The following MED13L variants were observed in gnomAD, a reference collection of about 807,000 sequenced individuals.
MED13L encodes the protein mediator of RNA polymerase II transcription subunit 13-like.
Under a neutral mutation model 220.9 loss-of-function variants are expected in MED13L, and 7 were observed. The ratio of observed to expected loss-of-function variants is 0.03; its 90% CI spans 0.02 to 0.06. The LOEUF is 0.06. MED13L is among the 10% of genes least tolerant of loss of function. MED13L has a pLI of 1.00. For synonymous variants in MED13L, 1,011 were observed against 1,015.2 expected (o/e 1.00, Z 0.08); for missense variants, 1,965 against 2,760.5 (o/e 0.71, Z 6.46).
chr12:116,049,452 A>G (rs947930123), intron 4 of MED13L, among the ~76,000 whole-genome samples: 1 of 152,194 alleles, frequency 6.6e-6, no homozygotes, highest in Non-Finnish European at 1.5e-5. Context: ...CACTTCTTTC[A>G]CCTTTTATAA....
chr12:116,247,284 A>G (rs1306939306), intron 1 of MED13L, among the ~76,000 whole-genome samples: 1 of 152,230 alleles, frequency 6.6e-6, no homozygotes, highest in Non-Finnish European at 1.5e-5. Context: ...ATGGGGTAAT[A>G]GAATGTAAAG....
At position 116,274,813 on chromosome 12, in the gene MED13L, TA is replaced by T. The variant is rs528120337; in HGVS notation, c.72+2246del. 1.8e-3 allele frequency among the ~76,000 whole-genome samples: 273 copies of T among 152,132 alleles called. 1 individual carries two copies. The highest frequency in any genetic ancestry group is 6.2e-3 in the African/African-American group (257 of 41,508). ...TTGCTACTTAAAAAATAATTCTTTT[TA>T]AAAAAGCATATTCAAAAATCAATCC... On this transcript the variant is annotated intron_variant, in intron 1 of 30. Transcript: ENST00000281928.
In MED13L at chr12:116,149,791, A is replaced by G. The variant is rs185031454; in HGVS notation, c.311-38279T>C. 2.3e-4 allele frequency among the ~76,000 whole-genome samples: 35 copies of G among 152,310 alleles called. No individual in the cohort carries two copies. The East Asian group carries it at 2.5e-3, about 11-fold the overall frequency. The stretch of plus-strand genomic sequence containing the variant: ...GGCATTGAGAATGGTTTGGCTAGAG[A>G]TGAGTAAGTGGACATTAAGTTCCTT... On this transcript the variant is annotated intron_variant, in intron 2 of 30. Transcript: ENST00000281928.
In MED13L at chr12:116,165,620, G is replaced by A. The variant is rs370941291; in HGVS notation, c.311-54108C>T. Among the ~76,000 whole-genome samples the A allele has an allele frequency of 4.0e-5, 6 of 151,886 alleles. No homozygotes were observed. The East Asian group carries it at 5.8e-4, about 15-fold the overall frequency. ...GCTAGGAGTACAGGCGTGAGCCACC[G>A]CACCTGGCCTGCCTATGTCCACTTT... On this transcript the variant is annotated intron_variant, in intron 2 of 30. Coordinates refer to ENST00000281928, the MANE Select transcript of MED13L (RefSeq NM_015335.5).
chr12:116,105,054 A>ACC (rs1873433260), intron 3 of MED13L, among the ~76,000 whole-genome samples: 1 of 152,218 alleles, frequency 6.6e-6, no homozygotes, highest in Non-Finnish European at 1.5e-5. Flanking sequence ...GAAAACTTAT[A>ACC]CTAACTATCC....
At chr12:116,028,076 C>T (rs1404087972) in intron 4 of MED13L, among the ~76,000 whole-genome samples, 1 of 152,178 alleles carries the variant, frequency 6.6e-6, no homozygotes, top group Non-Finnish European at 1.5e-5. Flanking sequence ...AATAACACTT[C>T]TAAATGCACG....
At position 115,974,487 on chromosome 12, in the gene MED13L, T is replaced by C. The variant is rs115511220; in HGVS notation, c.5731+684A>G. Among the ~76,000 whole-genome samples the C allele has an allele frequency of 1.3e-3, 197 of 152,344 alleles. 2 individuals are homozygous for C. The highest frequency in any genetic ancestry group is 4.5e-3 in the African/African-American group (188 of 41,588). On this transcript the variant is annotated intron_variant, in intron 25 of 30. Coordinates refer to ENST00000281928, the MANE Select transcript of MED13L (RefSeq NM_015335.5). ...AACTGTACAAGTAGCTACATTGGGA[T>C]AGTAAATGAGCTGGGCTCAGCACCA...
intron 1 of MED13L, among the ~76,000 whole-genome samples, chr12:116,271,350 G>C (rs898338167): frequency 2.6e-5 from 4 of 152,024 alleles, no homozygotes; most frequent in African/African-American, 7.2e-5. Context: ...CAGCACTTTG[G>C]GAGGCCGAGG....
chr12:116,199,179 T>C (rs944615348), intron 2 of MED13L, among the ~76,000 whole-genome samples: 3 of 152,244 alleles, frequency 2.0e-5, no homozygotes, highest in African/African-American at 7.2e-5. Context: ...ATTTTTTTTA[T>C]CTTGTCTCTT....
chr12:116,205,942 GT>G (rs11295233), intron 2 of MED13L, among the ~76,000 whole-genome samples: 47,900 of 125,110 alleles, frequency 0.38, 9,354 homozygotes, highest in African/African-American at 0.65. Flanking sequence ...CTAAAAACTT[GT>G]TTTTTTTTTT....
chr12:115,973,965 A>C (rs1876761907), intron 25 of MED13L, among the ~76,000 whole-genome samples: 1 of 152,182 alleles, frequency 6.6e-6, no homozygotes, highest in Admixed American at 6.5e-5. Flanking sequence ...ACACTTAGGC[A>C]TTCCTACAGT....
At chr12:116,014,496 G>A (rs1879606358) in intron 8 of MED13L, among the ~76,000 whole-genome samples, 1 of 152,124 alleles carries the variant, frequency 6.6e-6, no homozygotes, top group Non-Finnish European at 1.5e-5. Flanking sequence ...AAAATAATCA[G>A]CAGCAGTCTT....
intron 4 of MED13L, among the ~76,000 whole-genome samples, chr12:116,065,684 T>C (rs1187445908): frequency 6.6e-6 from 1 of 152,208 alleles, no homozygotes; most frequent in Non-Finnish European, 1.5e-5. Context: ...AGAGGCCTAA[T>C]ATTGCATGGT....
intron 2 of MED13L, among the ~76,000 whole-genome samples, chr12:116,209,672 G>A (rs1005463497): frequency 6.6e-6 from 1 of 152,076 alleles, no homozygotes; most frequent in Non-Finnish European, 1.5e-5. Context: ...AAATGCTGAG[G>A]GAGTGGTCAG....
At chr12:116,053,990 G>A (rs1868731037) in intron 4 of MED13L, among the ~76,000 whole-genome samples, 1 of 152,112 alleles carries the variant, frequency 6.6e-6, no homozygotes, top group Non-Finnish European at 1.5e-5. Context: ...TACAAGTCCA[G>A]TGTTTCATCA....
intron 9 of MED13L, among the ~76,000 whole-genome samples, chr12:116,011,814 C>T (rs1404093791): frequency 2.0e-5 from 3 of 152,080 alleles, no homozygotes; most frequent in African/African-American, 7.2e-5. Context: ...AGGCAGAGCT[C>T]GATAAAGAAT....
At chr12:116,004,356 C>G (rs1229903883) in intron 13 of MED13L, among the ~76,000 whole-genome samples, 1 of 152,076 alleles carries the variant, frequency 6.6e-6, no homozygotes, top group Non-Finnish European at 1.5e-5. Context: ...TTTCTTCTAC[C>G]AGAGTTTTTC....
chr12:116,251,744 G>A (rs1206628338), intron 1 of MED13L, among the ~76,000 whole-genome samples: 1 of 150,210 alleles, frequency 6.7e-6, no homozygotes, highest in Non-Finnish European at 1.5e-5. Context: ...CTGAGAGACA[G>A]AGCAAGACTC....
rs76162456 is a variant in MED13L, at chr12:116,235,791, T to G, written c.310+1677A>C. Among the ~76,000 whole-genome samples, 696 of 152,246 alleles carry G rather than the reference T, an allele frequency of 4.6e-3. 3 individuals carry two copies. The highest frequency in any genetic ancestry group is 0.016 in the African/African-American group (671 of 41,556). Reference sequence around the variant, plus strand: ...TCTCCGTTGGCATAGATAAATAAATTTATTCTATATTATCAACTAAATAAC... The same window carrying G: ...TCTCCGTTGGCATAGATAAATAAATGTATTCTATATTATCAACTAAATAAC... On this transcript the variant is annotated intron_variant, in intron 2 of 30. Coordinates refer to ENST00000281928, the MANE Select transcript of MED13L (RefSeq NM_015335.5).
Sources: gnomAD v4.1 joint callset for allele counts (sites outside exome capture counted in the v4.1 genomes callset) on GRCh38, gnomAD v4.1.1 for gene constraint, MANE v1.5 for transcripts, NCBI Gene and HGNC (gene_info 2026-07-23, HGNC 2026-07-21) for gene names.